SPTB: variants seen among roughly 807,000 people sequenced by gnomAD.
SPTB encodes spectrin beta, erythrocytic.
In SPTB, 45 loss-of-function variants were observed where a neutral mutation model predicts 256.2. The ratio of observed to expected loss-of-function variants is 0.18; its 90% CI spans 0.14 to 0.23. SPTB has a LOEUF of 0.23. SPTB is among the 10% of genes least tolerant of loss of function. The probability of loss-of-function intolerance (pLI) is 1.00; values close to 1 mark genes in which losing one functional copy is unlikely to be tolerated. For missense variants in SPTB, 2,715 were observed against 3,040.4 expected, an observed-to-expected ratio of 0.89 and a Z score of 2.52; for synonymous variants, 1,231 against 1,243.1, an observed-to-expected ratio of 0.99 and a Z score of 0.21.
intron 1 of SPTB, among the ~76,000 whole-genome samples, chr14:64,860,316 G>A (rs564770271): frequency 2.0e-5 from 3 of 152,254 alleles, no homozygotes; most frequent in East Asian, 1.9e-4. Flanking sequence ...CTAAAGGATC[G>A]TCATATATTC....
rs2139448219 is a variant in SPTB, at chr14:64,759,304, A to G, written c.6346-5511T>C. Reference sequence around the variant, plus strand: ...CCCACCCATGACCCCCTGGCTGCGAACCTGCAGTGGGAGGCCTGTGGCCCT... The same window carrying G: ...CCCACCCATGACCCCCTGGCTGCGAGCCTGCAGTGGGAGGCCTGTGGCCCT... On this transcript the variant is annotated intron_variant, in intron 32 of 35. Coordinates refer to ENST00000644917, the MANE Select transcript of SPTB (RefSeq NM_001355436.2). The surrounding 1 kb of genome is among the most constrained non-coding windows in gnomAD (Gnocchi z 4.8). Among the ~76,000 whole-genome samples the G allele has an allele frequency of 6.6e-6, 1 of 152,294 alleles. No individual in the cohort carries two copies. Among genetic ancestry groups the G allele is most frequent in the Admixed American group, 6.5e-5 (1 of 15,294 alleles).
chr14:64,855,400 T>C (rs376295), intron 1 of SPTB, among the ~76,000 whole-genome samples: 11,210 of 152,220 alleles, frequency 0.074, 1,470 homozygotes, highest in African/African-American at 0.25. Context: ...AGTTATTCTT[T>C]ATGGCTTGGG....
rs943061421 is a variant in SPTB, at chr14:64,825,647, C to T, written c.-51-2502G>A. 7.2e-5 allele frequency among the ~76,000 whole-genome samples: 11 copies of T among 152,190 alleles called. No homozygotes were observed. Among genetic ancestry groups the T allele is most frequent in the African/African-American group, 2.7e-4 (11 of 41,456 alleles). On this transcript the variant is annotated intron_variant, in intron 1 of 35. Coordinates refer to ENST00000644917, the MANE Select transcript of SPTB (RefSeq NM_001355436.2). This position sits in a 1 kb window ranked among gnomAD's most constrained non-coding sequence, Gnocchi z 4.8. ...CCCTGAGTGCAGGAAGTAACCGGAC[C>T]CTGGCTCTCCTGATTCGTCCTGGGC...
intron 15 of SPTB, among the ~76,000 whole-genome samples, chr14:64,791,140 C>T (rs1406398345): frequency 1.3e-5 from 2 of 152,142 alleles, no homozygotes; most frequent in Non-Finnish European, 2.9e-5. Context: ...CATACACACC[C>T]ACCCTCCCCA....
In SPTB at chr14:64,803,694, G is replaced by A; in HGVS notation, c.387C>T (p.His129=). The change falls in exon 4 of 36, where the codon CAC becomes CAT. Residue 129 remains histidine, a synonymous_variant. Coordinates refer to ENST00000644917, the MANE Select transcript of SPTB (RefSeq NM_001355436.2). The part of the protein sequence containing the change: ...ALQFLKEQRV[H]LENMGSHDIV... ...TGTCGTGGGAGCCCATGTTCTCCAG[G>A]TGTACACGCTGCTCCTTGAGGAACT... The A allele has an allele frequency of 6.2e-7, 1 of 1,614,178 alleles. No homozygotes were observed. Among genetic ancestry groups the A allele is most frequent in the East Asian group, 2.2e-5 (1 of 44,872 alleles).
chr14:64,843,671 G>A (rs2083642782), intron 1 of SPTB, among the ~76,000 whole-genome samples: 1 of 152,162 alleles, frequency 6.6e-6, no homozygotes, highest in African/African-American at 2.4e-5. Flanking sequence ...TTGAATAAAG[G>A]CCATCGCTGT....
At chr14:64,838,595 C>CA (rs1228701406) in intron 1 of SPTB, among the ~76,000 whole-genome samples, 2 of 151,248 alleles carry the variant, frequency 1.3e-5, no homozygotes, top group Admixed American at 6.6e-5. Flanking sequence ...GACGCTTTAC[C>CA]AAAAAAAGAA....
chr14:64,830,334 CTTATT>C (rs1254482996), intron 1 of SPTB, among the ~76,000 whole-genome samples: 63 of 138,588 alleles, frequency 4.5e-4, no homozygotes, highest in African/African-American at 1.6e-3. Flanking sequence ...ACTCTGGAGT[CTTATT>C]ATTATTATTA....
At chr14:64,872,669 G>T (rs1023612080) in intron 1 of SPTB, among the ~76,000 whole-genome samples, 19 of 152,184 alleles carry the variant, frequency 1.2e-4, no homozygotes, top group African/African-American at 4.3e-4. Context: ...TTCCCATTTG[G>T]TATGGTTTGT....
rs747907038 is a variant in SPTB at position 64,785,757 on chromosome 14, A to T, written c.3756T>A (p.Ile1252=). The change falls in exon 17 of 36, where the codon ATT becomes ATA. Residue 1252 remains isoleucine (I), a synonymous_variant. Coordinates refer to ENST00000644917, the MANE Select transcript of SPTB (RefSeq NM_001355436.2). The surrounding 1 kb of genome is among the most constrained non-coding windows in gnomAD (Gnocchi z 4.4). Reference sequence around the variant, plus strand: ...CTGGGGCCCGGGAGTACCTGTCCTCAATCAGCTGCACCTTCTCCTTGATCT... The same window carrying T: ...CTGGGGCCCGGGAGTACCTGTCCTCTATCAGCTGCACCTTCTCCTTGATCT... ...SDKIKEKVQL[I]EDRHRKNNEK... is the part of the protein sequence containing the mutation. The T allele has an allele frequency of 6.2e-7, 1 of 1,614,062 alleles. No homozygotes were observed. Among genetic ancestry groups the T allele is most frequent in the Admixed American group, 1.7e-5 (1 of 60,020 alleles).
intron 1 of SPTB, among the ~76,000 whole-genome samples, chr14:64,859,770 G>C (rs1230190535): frequency 6.6e-6 from 1 of 151,896 alleles, no homozygotes; most frequent in Non-Finnish European, 1.5e-5. Flanking sequence ...AAAGAATATG[G>C]AGGAATATGC....
chr14:64,801,282 C>T lies in SPTB; in HGVS notation c.763+3G>A, dbSNP rs1373183752. The T allele has an allele frequency of 1.2e-6, 2 of 1,612,210 alleles. No homozygotes were observed. The highest frequency in any genetic ancestry group is 2.2e-5 in the South Asian group (2 of 91,044). ...AAGGCTGGCAGGGGTGGGTGTGGCTCACCTTCGGGGTCGAGGAGCGGGATG... is the reference window on the plus strand; with the variant it reads ...AAGGCTGGCAGGGGTGGGTGTGGCTTACCTTCGGGGTCGAGGAGCGGGATG... On this transcript the variant is annotated splice_donor_region_variant and intron_variant, in intron 7 of 35. Coordinates refer to ENST00000644917, the MANE Select transcript of SPTB (RefSeq NM_001355436.2).
intron 1 of SPTB, among the ~76,000 whole-genome samples, chr14:64,830,323 A>T (rs2083433237): frequency 6.8e-6 from 1 of 146,634 alleles, no homozygotes; most frequent in Non-Finnish European, 1.5e-5. Flanking sequence ...CCTGATCTCA[A>T]ACTCTGGAGT....
At position 64,795,927 on chromosome 14, in the gene SPTB, C is replaced by T. The variant is rs1488489771; in HGVS notation, c.1342-288G>A. 1.3e-5 allele frequency among the ~76,000 whole-genome samples: 2 copies of T among 152,180 alleles called. No individual in the cohort carries two copies. Among genetic ancestry groups the T allele is most frequent in the African/African-American group, 4.8e-5 (2 of 41,436 alleles). ...ATGGAGCCCCTTGGCAGCCTGCTGG[C>T]ACTCCCCACATGCCTCGAGTGGACC... On this transcript the variant is annotated intron_variant, in intron 11 of 35. Coordinates refer to ENST00000644917, the MANE Select transcript of SPTB (RefSeq NM_001355436.2). The surrounding 1 kb of genome is among the most constrained non-coding windows in gnomAD (Gnocchi z 6.5).
rs756334913 is a variant in SPTB at position 64,786,739 on chromosome 14, A to C, written c.3226T>G (p.Trp1076Gly). ...ACAGCCTTCTGGGTGATGGAGAGCC[A>C]GGCCTGGAAGTCATCCAGATCCTGC... ...FLQDLDDFQA[W>G]LSITQKAVAS... is the part of the protein sequence containing the mutation. Residue 1076 changes from tryptophan (W) to glycine (G), a missense_variant, in exon 16 of 36, where the codon TGG (tryptophan) becomes GGG (glycine). Around this residue, in one of 4 missense-constraint regions of SPTB, gnomAD observed 2,239 missense variants for 2,384.4 expected, o/e 0.94. Transcript: ENST00000644917. The surrounding 1 kb of genome is among the most constrained non-coding windows in gnomAD (Gnocchi z 5.6). 5 of 1,614,016 alleles carry C rather than the reference A, an allele frequency of 3.1e-6. No homozygotes were observed. In the African/African-American group the frequency reaches 6.7e-5, roughly 22 times the overall value.
intron 1 of SPTB, among the ~76,000 whole-genome samples, chr14:64,834,113 G>A (rs765738163): frequency 2.6e-5 from 4 of 152,068 alleles, no homozygotes; most frequent in Non-Finnish European, 5.9e-5. Flanking sequence ...TGCAACCTCC[G>A]CCTTCCAGGT....
chr14:64,810,799 G>C (rs939688467), intron 2 of SPTB, among the ~76,000 whole-genome samples: 2 of 151,848 alleles, frequency 1.3e-5, no homozygotes, highest in African/African-American at 4.8e-5. Context: ...ATAAAAAATT[G>C]AAAGTTCAAC....
intron 4 of SPTB, among the ~76,000 whole-genome samples, chr14:64,803,363 T>C (rs2082924601): frequency 6.6e-6 from 1 of 152,160 alleles, no homozygotes; most frequent in Admixed American, 6.5e-5. Flanking sequence ...CAGCTACCAA[T>C]TAATTTCTAT....
intron 1 of SPTB, among the ~76,000 whole-genome samples, chr14:64,861,967 C>T (rs1483549872): frequency 1.3e-5 from 2 of 152,212 alleles, no homozygotes; most frequent in Admixed American, 1.3e-4. Context: ...TCTCTTCCTA[C>T]ACCCACCCCT....
Sources: allele counts gnomAD v4.1 joint callset (sites outside exome capture counted in the v4.1 genomes callset), GRCh38; gene constraint gnomAD v4.1.1; regional missense constraint gnomAD v4.1.1; non-coding constraint Gnocchi (gnomAD v3.1); transcripts MANE v1.5; gene names NCBI Gene and HGNC (gene_info 2026-07-23, HGNC 2026-07-21).